PAFAH1B1: variants seen among roughly 807,000 people sequenced by gnomAD.
PAFAH1B1 encodes platelet-activating factor acetylhydrolase IB subunit beta.
PAFAH1B1 carries 2 observed loss-of-function variants against 57.5 expected under a neutral mutation model. That is an observed-to-expected ratio of 0.03 (90% CI 0.01 to 0.11). The LOEUF (loss-of-function observed/expected upper bound fraction) is 0.11, where lower values mean the gene tolerates loss of function less well. Ranked by LOEUF, PAFAH1B1 falls within the 10% of genes least tolerant of loss-of-function variation. The pLI, the probability that PAFAH1B1 is intolerant of heterozygous loss-of-function variation, is 1.00. For synonymous variants in PAFAH1B1, 152 were observed against 169.6 expected (o/e 0.90, Z 0.81); for missense variants, 257 against 512.0 (o/e 0.50, Z 4.81).
In PAFAH1B1 at chr17:2,667,333, C is replaced by CA. The variant is rs934220950; in HGVS notation, c.399+146dup. 43,102 of 415,332 alleles carry CA rather than the reference C, an allele frequency of 0.1. 35 individuals are homozygous for CA. The highest frequency in any genetic ancestry group is 0.12 in the South Asian group (3,952 of 33,780). The allele number at this position is 415,332 out of a possible 1,614,324, so 25.7% of individuals were successfully genotyped here. A position where few individuals can be genotyped will look rare whatever the true frequency, so the allele number is the denominator to read the frequency against. On this transcript the variant is annotated intron_variant, in intron 5 of 10. Transcript: ENST00000397195. ...TGGGCGACAGAGCCACACTCTGTCT[C>CA]AAAAAAAAAAAGCAGACTTAATAGG...
chr17:2,620,446 G>T lies in PAFAH1B1; in HGVS notation c.-190-17653G>T, dbSNP rs373608605. Among the ~76,000 whole-genome samples, 28 of 152,164 alleles carry T rather than the reference G, an allele frequency of 1.8e-4. 1 individual carries two copies. In the East Asian group the frequency reaches 4.6e-3, roughly 25 times the overall value. On this transcript the variant is annotated intron_variant, in intron 1 of 10. Transcript: ENST00000397195. ...GATTATCTAAAAAATAGATTATTAG[G>T]TAGGAACATTAAGACTTAAAAGTGA...
chr17:2,666,021 A>T lies in PAFAH1B1; in HGVS notation c.123A>T (p.Glu41Asp). The change falls in exon 4 of 11, where the codon GAA becomes GAT. Residue 41 changes from glutamate to aspartate, a missense_variant. By Grantham distance (45) the Glu-to-Asp change is conservative. Transcript: ENST00000397195. The part of the protein sequence containing the change: ...FKKEAELDVN[E>D]ELDKKYAGLL... ...TCTAAATTTATTTTCTCTAGAATGA[A>T]GAATTAGATAAAAAGTATGCTGGTC... The T allele has an allele frequency of 6.6e-7, 1 of 1,504,108 alleles. No individual in the cohort carries two copies. The highest frequency in any genetic ancestry group is 9.1e-7 in the Non-Finnish European group (1 of 1,101,216). The allele number at this position is 1,504,108 out of a possible 1,614,324, so 93.2% of individuals were successfully genotyped here.
intron 5 of PAFAH1B1, 122 bp downstream of exon 5, chr17:2,667,320 C>G (rs1287064154): frequency 2.8e-6 from 2 of 716,190 alleles, no homozygotes; most frequent in African/African-American, 3.8e-5. Context: ...GGCGACAGAG[C>G]CACACTCTGT....
At chr17:2,610,772 AATT>A (rs1024520201) in intron 1 of PAFAH1B1, among the ~76,000 whole-genome samples, 28 of 152,200 alleles carry the variant, frequency 1.8e-4, no homozygotes, top group African/African-American at 6.8e-4. Context: ...ATTATGTTGT[AATT>A]ATTATTATCC....
intron 6 of PAFAH1B1, 72 bp downstream of exon 6, chr17:2,670,403 A>G (rs2069165770): frequency 7.5e-7 from 1 of 1,325,196 alleles, no homozygotes; most frequent in African/African-American, 1.4e-5. Context: ...TGTTTCTAAC[A>G]GTGTACAGTG....
At chr17:2,610,501 A>G (rs970345063) in intron 1 of PAFAH1B1, among the ~76,000 whole-genome samples, 4 of 152,202 alleles carry the variant, frequency 2.6e-5, no homozygotes, top group African/African-American at 9.7e-5. Flanking sequence ...CAGAAAGATA[A>G]CTAACCACTT....
intron 1 of PAFAH1B1, among the ~76,000 whole-genome samples, chr17:2,625,732 C>A (rs2068481448): frequency 6.6e-6 from 1 of 152,098 alleles, no homozygotes; most frequent in Admixed American, 6.6e-5. Context: ...TAAAGACCAG[C>A]CTAGGCAACA....
At position 2,681,826 on chromosome 17, in the gene PAFAH1B1, C is replaced by T. The variant is rs775929844; in HGVS notation, c.*24C>T. 23 of 1,569,076 alleles carry T rather than the reference C, an allele frequency of 1.5e-5. 1 individual carries two copies. The South Asian group carries it at 2.6e-4, about 18-fold the overall frequency. On this transcript the variant is annotated 3_prime_UTR_variant, in exon 11 of 11. Coordinates refer to ENST00000397195, the MANE Select transcript of PAFAH1B1 (RefSeq NM_000430.4). ...GATTGTGTCTCCTTCGGCCCCTCCT[C>T]CCTCTTTTCCTCTGGATGCACTCTG...
intron 1 of PAFAH1B1, among the ~76,000 whole-genome samples, chr17:2,620,464 A>G (rs1213404294): frequency 2.0e-5 from 3 of 152,196 alleles, no homozygotes; most frequent in Non-Finnish European, 4.4e-5. Flanking sequence ...ATTAAGACTT[A>G]AAAGTGAATA....
chr17:2,678,609 C>T (rs1004503254), intron 9 of PAFAH1B1, among the ~76,000 whole-genome samples: 3 of 152,052 alleles, frequency 2.0e-5, no homozygotes, highest in Non-Finnish European at 2.9e-5. Context: ...TACTCTTGGC[C>T]AGGCACAGTG....
At chr17:2,609,970 G>A (rs944664922) in intron 1 of PAFAH1B1, among the ~76,000 whole-genome samples, 9 of 152,144 alleles carry the variant, frequency 5.9e-5, no homozygotes, top group Non-Finnish European at 1.2e-4. Context: ...GATTACGGGC[G>A]TGTGCTACCA....
chr17:2,659,967 T>A (rs1029744), intron 2 of PAFAH1B1, among the ~76,000 whole-genome samples: 2 of 152,062 alleles, frequency 1.3e-5, no homozygotes, highest in Non-Finnish European at 2.9e-5. Flanking sequence ...CAAGACTATA[T>A]AGTTTCATCT....
At chr17:2,606,654 A>T (rs1035283672) in intron 1 of PAFAH1B1, among the ~76,000 whole-genome samples, 1 of 151,692 alleles carries the variant, frequency 6.6e-6, no homozygotes, top group Non-Finnish European at 1.5e-5. Flanking sequence ...ATGCCTGGCT[A>T]AAATTTTATT....
intron 2 of PAFAH1B1, among the ~76,000 whole-genome samples, chr17:2,662,518 C>G (rs2069032143): frequency 1.3e-5 from 2 of 151,410 alleles, no homozygotes; most frequent in Admixed American, 1.3e-4. Flanking sequence ...ATTCTCCTGC[C>G]TCAGCCTCCC....
At chr17:2,620,358 C>T (rs1360406506) in intron 1 of PAFAH1B1, among the ~76,000 whole-genome samples, 2 of 152,120 alleles carry the variant, frequency 1.3e-5, no homozygotes, top group Admixed American at 1.3e-4. Flanking sequence ...ATTCTCTTTA[C>T]TTTTTGTGAC....
At chr17:2,634,414 G>A (rs2068596127) in intron 1 of PAFAH1B1, among the ~76,000 whole-genome samples, 1 of 152,198 alleles carries the variant, frequency 6.6e-6, no homozygotes, top group Non-Finnish European at 1.5e-5. Context: ...TGAGATTACA[G>A]GCATGAGCCA....
At chr17:2,631,086 C>G (rs1476132691) in intron 1 of PAFAH1B1, among the ~76,000 whole-genome samples, 1 of 152,016 alleles carries the variant, frequency 6.6e-6, no homozygotes, top group Non-Finnish European at 1.5e-5. Context: ...ACTAAAAATA[C>G]AAAAATTAGC....
rs1225785482 is a variant in PAFAH1B1 at position 2,594,016 on chromosome 17, C to G, written c.-191+10C>G. On this transcript the variant is annotated intron_variant, in intron 1 of 10. Coordinates refer to ENST00000397195, the MANE Select transcript of PAFAH1B1 (RefSeq NM_000430.4). ...GCGGTGCAGCGCTCCGGTAAGGCGG[C>G]GCGGGTCTGCGCCCTCCCCTCTGTC... 1 of 396,938 alleles carries G rather than the reference C, an allele frequency of 2.5e-6. No individual in the cohort carries two copies. Among genetic ancestry groups the G allele is most frequent in the East Asian group, 3.6e-5 (1 of 27,942 alleles). The allele number at this position is 396,938 out of a possible 1,614,324, so 24.6% of individuals were successfully genotyped here.
chr17:2,597,570 C>T (rs2068097961), intron 1 of PAFAH1B1, among the ~76,000 whole-genome samples: 1 of 151,620 alleles, frequency 6.6e-6, no homozygotes. Flanking sequence ...GCCACTACAC[C>T]TGGCTAATTT....
Sources: allele counts gnomAD v4.1 joint callset (sites outside exome capture counted in the v4.1 genomes callset), GRCh38; gene constraint gnomAD v4.1.1; transcripts MANE v1.5; gene names NCBI Gene and HGNC (gene_info 2026-07-23, HGNC 2026-07-21).